The following RAD51B variants were observed in gnomAD, a reference collection of about 807,000 sequenced individuals.
The protein encoded by RAD51B is DNA repair protein RAD51 homolog 2.
A neutral mutation model predicts 42.2 loss-of-function variants in RAD51B; 38 were observed. That is an observed-to-expected ratio of 0.90 (90% CI 0.70 to 1.18). The LOEUF (loss-of-function observed/expected upper bound fraction) is 1.18. Ranked by LOEUF, RAD51B falls within the 50% of genes most tolerant of loss-of-function variation. The pLI, the probability that RAD51B is intolerant of heterozygous loss-of-function variation, is 0.00. For synonymous variants in RAD51B, 154 were observed against 145.2 expected, an observed-to-expected ratio of 1.06 and a Z score of -0.43; for missense variants, 373 against 400.7, an observed-to-expected ratio of 0.93 and a Z score of 0.59.
chr14:68,356,228 C>G (rs758227425), intron 8 of RAD51B, among the ~76,000 whole-genome samples: 3 of 151,992 alleles, frequency 2.0e-5, no homozygotes, highest in African/African-American at 7.3e-5. Flanking sequence ...GTCAGGAGAT[C>G]GAGACTATCC....
exon 11 of RAD51B, chr14:68,595,938 T>A: frequency 2.0e-6 from 1 of 488,858 alleles, no homozygotes; most frequent in Non-Finnish European, 2.8e-6. Flanking sequence ...TTTTATTTCT[T>A]TTTTGGAATT....
At chr14:68,322,541 A>G (rs1482786323) in intron 8 of RAD51B, among the ~76,000 whole-genome samples, 1 of 152,144 alleles carries the variant, frequency 6.6e-6, no homozygotes, top group African/African-American at 2.4e-5. Context: ...TGAGGCCTGC[A>G]TTTCTGATGG....
chr14:68,126,272 G>C (rs773445095), intron 7 of RAD51B, among the ~76,000 whole-genome samples: 13 of 152,076 alleles, frequency 8.5e-5, no homozygotes, highest in Non-Finnish European at 1.5e-4. Context: ...CTTGTTTCCT[G>C]AGCATGTTTG....
chr14:67,909,116 C>T (rs893170142), intron 7 of RAD51B, among the ~76,000 whole-genome samples: 1 of 152,068 alleles, frequency 6.6e-6, no homozygotes, highest in Non-Finnish European at 1.5e-5. Context: ...GACATAACCC[C>T]CTAAACAAAA....
At chr14:68,474,957 T>C (rs1882433772) in intron 10 of RAD51B, among the ~76,000 whole-genome samples, 1 of 152,208 alleles carries the variant, frequency 6.6e-6, no homozygotes, top group African/African-American at 2.4e-5. Flanking sequence ...TCTACATGTC[T>C]ATCGAAGAGC....
chr14:67,885,568 C>T (rs2043037217), intron 5 of RAD51B, among the ~76,000 whole-genome samples: 1 of 152,192 alleles, frequency 6.6e-6, no homozygotes, highest in African/African-American at 2.4e-5. Flanking sequence ...AGCTGCTACT[C>T]TAAATATCAC....
At chr14:68,302,505 C>CAGGCAGGGGCT (rs1185395499) in intron 8 of RAD51B, among the ~76,000 whole-genome samples, 13 of 59,960 alleles carry the variant, frequency 2.2e-4, no homozygotes, top group African/African-American at 3.1e-4. Flanking sequence ...AGGCAGGGGC[C>CAGGCAGGGGCT]GGATTGCCGA....
At chr14:68,187,822 C>A (rs1285294941) in intron 7 of RAD51B, among the ~76,000 whole-genome samples, 2 of 151,292 alleles carry the variant, frequency 1.3e-5, no homozygotes, top group Non-Finnish European at 3.0e-5. Flanking sequence ...GTTTATTTTT[C>A]TTTGTTTTTT....
chr14:68,171,294 T>G (rs2078866648), intron 7 of RAD51B, among the ~76,000 whole-genome samples: 1 of 152,162 alleles, frequency 6.6e-6, no homozygotes, highest in Admixed American at 6.5e-5. Context: ...CCTATTTTTT[T>G]TTGTTTGTTT....
intron 10 of RAD51B, among the ~76,000 whole-genome samples, chr14:68,516,518 A>G (rs1036200695): frequency 2.0e-5 from 3 of 152,190 alleles, no homozygotes; most frequent in African/African-American, 7.2e-5. Flanking sequence ...TCACGTAGTT[A>G]TTTTGTTGGA....
chr14:68,019,232 C>T (rs750358358), intron 7 of RAD51B, among the ~76,000 whole-genome samples: 65 of 151,832 alleles, frequency 4.3e-4, no homozygotes, highest in Non-Finnish European at 7.8e-4. Flanking sequence ...GTGAAATAGA[C>T]GGGAACAAAA....
intron 8 of RAD51B, among the ~76,000 whole-genome samples, chr14:68,361,803 G>A (rs1381200614): frequency 1.3e-5 from 2 of 152,054 alleles, no homozygotes; most frequent in Non-Finnish European, 2.9e-5. Flanking sequence ...AGCCTCCCGA[G>A]TAGCTGGGAT....
chr14:67,880,314 C>G (rs1396192296), intron 5 of RAD51B, among the ~76,000 whole-genome samples: 1 of 152,190 alleles, frequency 6.6e-6, no homozygotes, highest in Non-Finnish European at 1.5e-5. Flanking sequence ...CTACCAAATA[C>G]TTAAGTCAGA....
intron 7 of RAD51B, among the ~76,000 whole-genome samples, chr14:68,263,060 A>G (rs1352413611): frequency 6.6e-6 from 1 of 152,072 alleles, no homozygotes; most frequent in Non-Finnish European, 1.5e-5. Flanking sequence ...TTCCTCTCCC[A>G]CAGTAGCTGT....
intron 7 of RAD51B, among the ~76,000 whole-genome samples, chr14:68,210,859 C>A (rs1328661117): frequency 2.0e-5 from 3 of 151,998 alleles, no homozygotes; most frequent in Admixed American, 1.3e-4. Context: ...GGTCACTTCA[C>A]CAAACAGAAT....
chr14:68,322,989 G>A (rs938273508), intron 8 of RAD51B, among the ~76,000 whole-genome samples: 2 of 152,208 alleles, frequency 1.3e-5, no homozygotes, highest in African/African-American at 4.8e-5. Context: ...CAGTAGATTC[G>A]TGACTATGAG....
At chr14:67,825,381 C>T in intron 2 of RAD51B, 83 bp from the exon 3 acceptor site, 1 of 833,744 alleles carries the variant, frequency 1.2e-6, no homozygotes, top group Non-Finnish European at 1.9e-6. Flanking sequence ...TCTACATAAG[C>T]AGTATCAATT....
intron 9 of RAD51B, among the ~76,000 whole-genome samples, chr14:68,462,508 C>T (rs1235592892): frequency 6.6e-6 from 1 of 152,170 alleles, no homozygotes; most frequent in Admixed American, 6.5e-5. Flanking sequence ...GATCCAGCAT[C>T]GAGTACATAT....
chr14:68,263,634 C>T (rs1798827961), intron 7 of RAD51B, among the ~76,000 whole-genome samples: 2 of 152,114 alleles, frequency 1.3e-5, no homozygotes, highest in Non-Finnish European at 2.9e-5. Flanking sequence ...CTTGTTTGAA[C>T]ACACAAAGCT....
Sources: gnomAD v4.1 joint callset for allele counts (sites outside exome capture counted in the v4.1 genomes callset) on GRCh38, gnomAD v4.1.1 for gene constraint, MANE v1.5 for transcripts, NCBI Gene and HGNC (gene_info 2026-07-23, HGNC 2026-07-21) for gene names.